The following MLST8 variants were observed in gnomAD, a reference collection of about 807,000 sequenced individuals.
MLST8 encodes the protein target of rapamycin complex subunit LST8.
A neutral mutation model predicts 41.3 loss-of-function variants in MLST8; 20 were observed. The ratio of observed to expected loss-of-function variants is 0.48; its 90% CI spans 0.34 to 0.70. The LOEUF (loss-of-function observed/expected upper bound fraction) is 0.70. Among genes scored for constraint, MLST8 ranks in the 30% least tolerant of loss-of-function variants. The probability of loss-of-function intolerance (pLI) is 0.01; values close to 1 mark genes in which losing one functional copy is unlikely to be tolerated. For missense variants in MLST8, 422 were observed against 454.3 expected, an observed-to-expected ratio of 0.93 and a Z score of 0.65; for synonymous variants, 243 against 183.0, an observed-to-expected ratio of 1.33 and a Z score of -2.65.
rs1046854603 is a variant in MLST8, at chr16:2,206,016, C to T, written c.-55-15C>T. The T allele has an allele frequency of 6.6e-6, 10 of 1,518,964 alleles. No individual in the cohort carries two copies. Among genetic ancestry groups the T allele is most frequent in the Non-Finnish European group, 8.8e-6 (10 of 1,132,056 alleles). 94.1% of individuals were successfully genotyped at this position (1,518,964 alleles called of 1,614,324 possible). On this transcript the variant is annotated splice_polypyrimidine_tract_variant and intron_variant, in intron 1 of 8. Transcript: ENST00000569417. Reference sequence around the variant, plus strand: ...CAGAGAGTGTCTTCTAAGTACTTCACATCCTTCTCTGCAGATGCTCTGACC... The same window carrying T: ...CAGAGAGTGTCTTCTAAGTACTTCATATCCTTCTCTGCAGATGCTCTGACC...
chr16:2,208,242 C>T lies in MLST8; in HGVS notation c.606C>T (p.Gly202=). Residue 202 remains glycine, a synonymous_variant, in exon 7 of 9, where the codon GGC becomes GGT. Coordinates refer to ENST00000569417, the MANE Select transcript of MLST8 (RefSeq NM_022372.6). ...GCTATGTCTGGAATCTGACGGGGGG[C>T]ATTGGTGACGAGGTGACCCAGCTCA... The part of the protein sequence containing the change: ...GNCYVWNLTG[G]IGDEVTQLIP... 1 of 1,613,372 alleles carries T rather than the reference C, an allele frequency of 6.2e-7. No homozygotes were observed. Among genetic ancestry groups the T allele is most frequent in the South Asian group, 1.1e-5 (1 of 91,040 alleles).
chr16:2,208,513 G>A lies in MLST8; in HGVS notation c.762G>A (p.Leu254=), dbSNP rs914193872. The A allele has an allele frequency of 5.0e-6, 8 of 1,613,326 alleles. No homozygotes were observed. In the Middle Eastern group the frequency reaches 1.2e-3, roughly 233 times the overall value. The part of the protein sequence containing the change: ...CKIWRTSNFS[L]MTELSIKSGN... ...TCTGGAGGACGTCCAACTTCTCCCT[G>A]ATGACGGAGCTGAGCATCAAGAGCG... The change falls in exon 8 of 9, where the codon CTG becomes CTA. Residue 254 remains leucine (L), a synonymous_variant. Transcript: ENST00000569417.
intron 6 of MLST8, 64 bp from the exon 7 acceptor site, chr16:2,208,146 C>T: frequency 6.5e-7 from 1 of 1,529,758 alleles, no homozygotes; most frequent in South Asian, 1.3e-5. Flanking sequence ...GCCCCCAGGG[C>T]ATCCTTCCCT....
chr16:2,206,299 A>C, intron 2 of MLST8, 59 bp from the exon 3 acceptor site: 1 of 1,608,730 alleles, frequency 6.2e-7, no homozygotes, highest in Non-Finnish European at 8.5e-7. Context: ...CAGATGGTGG[A>C]GGCCTGGGGG....
At chr16:2,207,886 T>C (rs2141374836) in intron 6 of MLST8, 2 of 283,708 alleles carry the variant, frequency 7.0e-6, no homozygotes, top group East Asian at 7.2e-5. Flanking sequence ...GCCCCCGGAT[T>C]TCCCTTCTGC....
In MLST8 at chr16:2,209,273, A is replaced by C; in HGVS notation, c.*396A>C. 1.6e-6 allele frequency: 2 copies of C among 1,222,246 alleles called. No homozygotes were observed. The highest frequency in any genetic ancestry group is 2.7e-5 in the South Asian group (2 of 73,600). The allele number at this position is 1,222,246 out of a possible 1,614,324, so 75.7% of individuals were successfully genotyped here. A position where few individuals can be genotyped will look rare whatever the true frequency, so the allele number is the denominator to read the frequency against. ...CCATGGCCAGGTGGAAGGGTTTATTAGTCCCTGCCAGCAGCTGTCCTCCCT... is the reference window on the plus strand; with the variant it reads ...CCATGGCCAGGTGGAAGGGTTTATTCGTCCCTGCCAGCAGCTGTCCTCCCT... On this transcript the variant is annotated 3_prime_UTR_variant, in exon 9 of 9. Transcript: ENST00000569417.
chr16:2,206,738 A>G, intron 4 of MLST8, 79 bp downstream of exon 4: 1 of 1,523,828 alleles, frequency 6.6e-7, no homozygotes, highest in South Asian at 1.1e-5. Context: ...GTTCTCTTCA[A>G]GCAGAGGCTG....
intron 4 of MLST8, 155 bp downstream of exon 4, chr16:2,206,814 C>T (rs1316636232): frequency 1.9e-6 from 2 of 1,040,744 alleles, no homozygotes; most frequent in African/African-American, 3.1e-5. Flanking sequence ...TGAATTGCAT[C>T]AGAGCGCGAG....
Position 2,208,626 on chromosome 16 carries a change from C to G in MLST8, c.862+13C>G, listed in dbSNP as rs764849563. The G allele has an allele frequency of 1.2e-6, 2 of 1,611,962 alleles. No homozygotes were observed. The highest frequency in any genetic ancestry group is 1.7e-6 in the Non-Finnish European group (2 of 1,179,344). On this transcript the variant is annotated intron_variant, in intron 8 of 8. Coordinates refer to ENST00000569417, the MANE Select transcript of MLST8 (RefSeq NM_022372.6). ...TACATCGTCACTGGTGAGCCCCGCC[C>G]TGGCCTCCCCCATCCCTGGCCCCCG...
Position 2,209,425 on chromosome 16 carries a change from G to T in MLST8, c.*548G>T. 1 of 1,613,838 alleles carries T rather than the reference G, an allele frequency of 6.2e-7. No individual in the cohort carries two copies. Among genetic ancestry groups the T allele is most frequent in the Non-Finnish European group, 8.5e-7 (1 of 1,179,996 alleles). On this transcript the variant is annotated 3_prime_UTR_variant, in exon 9 of 9. Coordinates refer to ENST00000569417, the MANE Select transcript of MLST8 (RefSeq NM_022372.6). ...TGTTGCTCGGGAAGCAGATGTCGAT[G>T]CAGAGATAAATCAGCCGCTGTCTCC...
intron 4 of MLST8, 168 bp downstream of exon 4, chr16:2,206,827 C>T (rs1290300668): frequency 3.9e-6 from 4 of 1,024,444 alleles, no homozygotes; most frequent in Non-Finnish European, 5.9e-6. Flanking sequence ...AGCGCGAGTC[C>T]TGCCTTGAGC....
Position 2,209,010 on chromosome 16 carries a change from C to G in MLST8, c.*133C>G, listed in dbSNP as rs1413486319. ...TGATGGCCCCCTGTGGCGCCTTGAC[C>G]TGCTGGGCCAGGCTGCCCTGGGACT... On this transcript the variant is annotated 3_prime_UTR_variant, in exon 9 of 9. Coordinates refer to ENST00000569417, the MANE Select transcript of MLST8 (RefSeq NM_022372.6). 3 of 1,000,606 alleles carry G rather than the reference C, an allele frequency of 3.0e-6. No homozygotes were observed. The highest frequency in any genetic ancestry group is 3.9e-5 in the Admixed American group (2 of 51,360). The allele number at this position is 1,000,606 out of a possible 1,614,324, so 62.0% of individuals were successfully genotyped here.
At chr16:2,208,082 G>A (rs1001448421) in intron 6 of MLST8, 128 bp from the exon 7 acceptor site, 4 of 1,140,258 alleles carry the variant, frequency 3.5e-6, no homozygotes, top group Non-Finnish European at 3.6e-6. Flanking sequence ...AGGACCAGAG[G>A]GGCCTGCCTG....
chr16:2,208,524 TGAGCATCAA>T lies in MLST8; in HGVS notation c.778_786del (p.Ile260_Ser262del). 2 of 1,613,200 alleles carry T rather than the reference TGAGCATCAA, an allele frequency of 1.2e-6. No homozygotes were observed. ...TCCAACTTCTCCCTGATGACGGAGCTGAGCATCAAGAGCGGCAACCCCGGGGAGTCCTCC... is the reference window on the plus strand; with the variant it reads ...TCCAACTTCTCCCTGATGACGGAGCTGAGCGGCAACCCCGGGGAGTCCTCC... On this transcript the variant is annotated inframe_deletion, in exon 8 of 9. Transcript: ENST00000569417.
rs758433200 is a variant in MLST8, at chr16:2,206,547, A to G, written c.232A>G (p.Ile78Val). The G allele has an allele frequency of 5.0e-6, 8 of 1,613,808 alleles. No individual in the cohort carries two copies. The Admixed American group carries it at 1.3e-4, about 27-fold the overall frequency. Residue 78 changes from isoleucine to valine, a missense_variant, in exon 4 of 9, where the codon ATC (isoleucine) becomes GTC (valine). Ile to Val is a conservative substitution (Grantham distance 29). Transcript: ENST00000569417. ...YDLNSNNPNP[I>V]ISYDGVNKNI... ...TCTCAACTCCAATAACCCTAACCCC[A>G]TCATCAGCTACGACGGCGTCAACAA...
intron 1 of MLST8, chr16:2,205,720 C>T (rs1304447699): frequency 1.0e-6 from 1 of 1,004,134 alleles, no homozygotes; most frequent in Non-Finnish European, 1.2e-6. Flanking sequence ...TTTCCCCGGC[C>T]CATCCGCCGC....
rs781053014 is a variant in MLST8 at position 2,206,665 on chromosome 16, G to A, written c.344+6G>A. Reference sequence around the variant, plus strand: ...GCCAGGATCTGGGACCTCAGGTGCGGTGGGGAGGGGGCGTGCTGCCCGGGG... The same window carrying A: ...GCCAGGATCTGGGACCTCAGGTGCGATGGGGAGGGGGCGTGCTGCCCGGGG... On this transcript the variant is annotated splice_donor_region_variant and intron_variant, in intron 4 of 8. Coordinates refer to ENST00000569417, the MANE Select transcript of MLST8 (RefSeq NM_022372.6). 7.4e-6 allele frequency: 12 copies of A among 1,611,992 alleles called. No individual in the cohort carries two copies. The East Asian group carries it at 8.9e-5, about 12-fold the overall frequency.
rs1293483633 is a variant in MLST8 at position 2,208,320 on chromosome 16, C to T, written c.684C>T (p.Phe228=). ...CGCGCTACGCCCTGCAGTGTCGCTT[C>T]AGCCCCGACTCCACGTGCGTGCAGG... ...AHTRYALQCR[F]SPDSTLLATC... Residue 228 remains phenylalanine, a synonymous_variant, in exon 7 of 9, where the codon TTC becomes TTT. Transcript: ENST00000569417. 4 of 1,607,778 alleles carry T rather than the reference C, an allele frequency of 2.5e-6. No homozygotes were observed. Among genetic ancestry groups the T allele is most frequent in the Non-Finnish European group, 2.6e-6 (3 of 1,175,398 alleles).
chr16:2,209,020 A>G lies in MLST8; in HGVS notation c.*143A>G. On this transcript the variant is annotated 3_prime_UTR_variant, in exon 9 of 9. Transcript: ENST00000569417. ...CTGTGGCGCCTTGACCTGCTGGGCC[A>G]GGCTGCCCTGGGACTCTCAGCCCCC... 1.1e-6 allele frequency: 1 copy of G among 909,912 alleles called. No individual in the cohort carries two copies. Among genetic ancestry groups the G allele is most frequent in the Non-Finnish European group, 1.7e-6 (1 of 583,126 alleles). 56.4% of individuals were successfully genotyped at this position (909,912 alleles called of 1,614,324 possible). A position where few individuals can be genotyped will look rare whatever the true frequency, so the allele number is the denominator to read the frequency against.
Sources: allele counts gnomAD v4.1 joint callset, GRCh38; gene constraint gnomAD v4.1.1; transcripts MANE v1.5; gene names NCBI Gene and HGNC (gene_info 2026-07-23, HGNC 2026-07-21).